The following RPS18 variants were observed in gnomAD, a reference collection of about 807,000 sequenced individuals.
RPS18 encodes ribosomal protein S18, also known as small ribosomal subunit protein uS13.
For synonymous variants in RPS18, 64 were observed against 70.9 expected (o/e 0.90, Z 0.49); for missense variants, 49 against 200.8 (o/e 0.24, Z 4.57).
At position 33,276,433 on chromosome 6, in the gene RPS18, T is replaced by G; in HGVS notation, c.426T>G (p.Arg142=). 1 of 1,614,032 alleles carries G rather than the reference T, an allele frequency of 6.2e-7. No individual in the cohort carries two copies. The highest frequency in any genetic ancestry group is 8.5e-7 in the Non-Finnish European group (1 of 1,179,926). ...AGCACACCAAGACCACTGGCCGCCG[T>G]GGCCGCACCGTGGGTGTGTCCAAGA... ...RGQHTKTTGR[R]GRTVGVSKKK is the part of the protein sequence containing the mutation. The change falls in exon 6 of 6, where the codon CGT becomes CGG. Residue 142 remains arginine, a synonymous_variant. Transcript: ENST00000439602.
intron 2 of RPS18, 69 bp downstream of exon 2, chr6:33,272,795 G>C: frequency 1.2e-6 from 1 of 824,826 alleles, no homozygotes; most frequent in East Asian, 2.4e-5. Flanking sequence ...AAGCAAAAAT[G>C]AAGCAAGGCT....
At chr6:33,274,348 C>A (rs950853398) in intron 2 of RPS18, among the ~76,000 whole-genome samples, 1 of 152,136 alleles carries the variant, frequency 6.6e-6, no homozygotes, top group Non-Finnish European at 1.5e-5. Flanking sequence ...AGGTGTGCAC[C>A]ACCACATCTG....
intron 2 of RPS18, among the ~76,000 whole-genome samples, chr6:33,273,250 G>A (rs956113172): frequency 1.2e-4 from 19 of 152,184 alleles, no homozygotes; most frequent in Admixed American, 3.3e-4. Flanking sequence ...CTTTCCTGTC[G>A]AAGTGTGAAG....
At chr6:33,272,157 T>C in intron 1 of RPS18, 35 bp downstream of exon 1, 1 of 1,555,862 alleles carries the variant, frequency 6.4e-7, no homozygotes, top group Non-Finnish European at 8.7e-7. Context: ...TCCAGCGGCA[T>C]CGCAGCTCGG....
intron 2 of RPS18, among the ~76,000 whole-genome samples, chr6:33,273,377 AC>A (rs1300929273): frequency 2.0e-5 from 3 of 152,154 alleles, no homozygotes; most frequent in Non-Finnish European, 4.4e-5. Context: ...TAGATACATA[AC>A]GTTCTTTTTT....
At chr6:33,275,928 G>A (rs1765598505) in intron 3 of RPS18, 37 bp from the exon 4 acceptor site, 1 of 1,608,234 alleles carries the variant, frequency 6.2e-7, no homozygotes, top group African/African-American at 1.3e-5. Flanking sequence ...GCCTCAGAAA[G>A]GGGTCCATCT....
intron 1 of RPS18, chr6:33,272,352 G>A (rs1241451948): frequency 6.5e-6 from 4 of 611,580 alleles, no homozygotes; most frequent in Non-Finnish European, 1.2e-5. Context: ...GCGTATATGG[G>A]GAACTCTGGC....
rs755538206 is a variant in RPS18, at chr6:33,276,158, C to T, written c.292-18C>T. ...GGTCAGGGGATAAAACATCCCTTGCCCCCTCCTCTGAATCCAGGTCCTAGC... is the reference window on the plus strand; with the variant it reads ...GGTCAGGGGATAAAACATCCCTTGCTCCCTCCTCTGAATCCAGGTCCTAGC... On this transcript the variant is annotated intron_variant, in intron 4 of 5. Transcript: ENST00000439602. The T allele has an allele frequency of 1.2e-5, 20 of 1,612,754 alleles. No individual in the cohort carries two copies. The highest frequency in any genetic ancestry group is 2.2e-5 in the South Asian group (2 of 91,048).
intron 2 of RPS18, among the ~76,000 whole-genome samples, chr6:33,274,752 T>A (rs1419523645): frequency 6.6e-6 from 1 of 152,168 alleles, no homozygotes; most frequent in Non-Finnish European, 1.5e-5. Context: ...GAGCCCACCC[T>A]AATCAAATAT....
Position 33,275,921 on chromosome 6 carries a change from T to C in RPS18, c.189+38T>C, listed in dbSNP as rs747645115. 30 of 1,604,664 alleles carry C rather than the reference T, an allele frequency of 1.9e-5. 1 individual carries two copies. In the South Asian group the frequency reaches 3.2e-4, roughly 17 times the overall value. On this transcript the variant is annotated intron_variant, in intron 3 of 5. Coordinates refer to ENST00000439602, the MANE Select transcript of RPS18 (RefSeq NM_022551.3). Reference sequence around the variant, plus strand: ...AAGGGGGCTGGGGGTGGGGTCAGCCTCAGAAAGGGGTCCATCTAGATCTGA... The same window carrying C: ...AAGGGGGCTGGGGGTGGGGTCAGCCCCAGAAAGGGGTCCATCTAGATCTGA...
intron 5 of RPS18, 58 bp downstream of exon 5, chr6:33,276,325 C>G (rs1177727380): frequency 3.7e-6 from 6 of 1,606,370 alleles, no homozygotes; most frequent in South Asian, 1.1e-5. Context: ...CCTACTCGCT[C>G]TTCTTTTTCC....
intron 2 of RPS18, among the ~76,000 whole-genome samples, chr6:33,274,788 G>A (rs964325361): frequency 3.3e-5 from 5 of 151,950 alleles, no homozygotes; most frequent in African/African-American, 7.3e-5. Context: ...AATTATTTCC[G>A]TAACGACCTT....
chr6:33,275,716 TTG>T (rs1765583642), intron 2 of RPS18, 79 bp from the exon 3 acceptor site: 1 of 929,228 alleles, frequency 1.1e-6, no homozygotes, highest in Non-Finnish European at 1.8e-6. Context: ...GATCCTACCT[TTG>T]TGAGCTTTTT....
Position 33,276,256 on chromosome 6 carries a change from T to C in RPS18, c.372T>C (p.Arg124=), listed in dbSNP as rs372985207. ...LKKIRAHRGL[R]HFWGLRVRGQ... Reference sequence around the variant, plus strand: ...AGATTCGGGCCCATAGAGGGCTGCGTCACTTCTGGGGGTGAGTGGGGGGTC... The same window carrying C: ...AGATTCGGGCCCATAGAGGGCTGCGCCACTTCTGGGGGTGAGTGGGGGGTC... The change falls in exon 5 of 6, where the codon CGT becomes CGC. Residue 124 remains arginine (R), a synonymous_variant. Coordinates refer to ENST00000439602, the MANE Select transcript of RPS18 (RefSeq NM_022551.3). 1 of 1,613,910 alleles carries C rather than the reference T, an allele frequency of 6.2e-7. No individual in the cohort carries two copies. Among genetic ancestry groups the C allele is most frequent in the Non-Finnish European group, 8.5e-7 (1 of 1,179,882 alleles).
At chr6:33,274,788 G>C (rs964325361) in intron 2 of RPS18, among the ~76,000 whole-genome samples, 1 of 151,950 alleles carries the variant, frequency 6.6e-6, no homozygotes, top group Non-Finnish European at 1.5e-5. Flanking sequence ...AATTATTTCC[G>C]TAACGACCTT....
At chr6:33,276,102 G>T in intron 4 of RPS18, 36 bp downstream of exon 4, 1 of 1,606,552 alleles carries the variant, frequency 6.2e-7, no homozygotes, top group South Asian at 1.1e-5. Context: ...TAGAGGAAGG[G>T]TGGAGGGTCC....
chr6:33,272,217 C>A, intron 1 of RPS18, 95 bp downstream of exon 1: 1 of 1,349,696 alleles, frequency 7.4e-7, no homozygotes, highest in Non-Finnish European at 1.0e-6. Flanking sequence ...CCCTGAGGGC[C>A]TGCGACTTTC....
intron 2 of RPS18, among the ~76,000 whole-genome samples, chr6:33,273,360 G>A (rs548046813): frequency 2.0e-5 from 3 of 152,246 alleles, no homozygotes; most frequent in Admixed American, 1.3e-4. Flanking sequence ...ATGAATTCTT[G>A]GCTTTCTAGA....
intron 2 of RPS18, among the ~76,000 whole-genome samples, chr6:33,273,023 T>C (rs554675129): frequency 6.6e-6 from 1 of 152,350 alleles, no homozygotes; most frequent in East Asian, 1.9e-4. Flanking sequence ...ACCACGAGCT[T>C]GTGAGATTTC....
Sources: gnomAD v4.1 joint callset for allele counts (sites outside exome capture counted in the v4.1 genomes callset) on GRCh38, gnomAD v4.1.1 for gene constraint, MANE v1.5 for transcripts, NCBI Gene and HGNC (gene_info 2026-07-23, HGNC 2026-07-21) for gene names.